CYB5D2: variants seen among roughly 807,000 people sequenced by gnomAD.
CYB5D2 encodes neuferricin.
Under a neutral mutation model 22.8 loss-of-function variants are expected in CYB5D2, and 23 were observed. That is an observed-to-expected ratio of 1.01 (90% CI 0.73 to 1.43). CYB5D2 has a LOEUF of 1.43. Ranked by LOEUF, CYB5D2 falls within the 40% of genes most tolerant of loss-of-function variation. The pLI is 0.00. For missense variants in CYB5D2, 373 were observed against 357.2 expected, an observed-to-expected ratio of 1.04 and a Z score of -0.36; for synonymous variants, 170 against 152.2, an observed-to-expected ratio of 1.12 and a Z score of -0.86.
rs2059092369 is a variant in CYB5D2, at chr17:4,154,580, T to C, written c.392-94T>C. 2.1e-6 allele frequency: 3 copies of C among 1,432,734 alleles called. No homozygotes were observed. In the Admixed American group the frequency reaches 6.8e-5, roughly 33 times the overall value. 88.8% of individuals were successfully genotyped at this position (1,432,734 alleles called of 1,614,324 possible). A position where few individuals can be genotyped will look rare whatever the true frequency, so the allele number is the denominator to read the frequency against. On this transcript the variant is annotated intron_variant, in intron 2 of 3. Transcript: ENST00000301391. ...CTTATTAAACGCGCACCAGCAGGAC[T>C]GAAGTCAGAAACCCTGGGAACTTGT... is the stretch of plus-strand genomic sequence containing the variant.
chr17:4,147,252 T>C (rs1017621861), intron 1 of CYB5D2, among the ~76,000 whole-genome samples: 5 of 151,614 alleles, frequency 3.3e-5, no homozygotes, highest in African/African-American at 1.2e-4. Context: ...GCCTGGGCGA[T>C]ACAGCGAGAC....
At chr17:4,148,345 C>T (rs182991067) in intron 1 of CYB5D2, among the ~76,000 whole-genome samples, 2 of 151,860 alleles carry the variant, frequency 1.3e-5, no homozygotes, top group Admixed American at 6.6e-5. Context: ...GGCAAAACCC[C>T]GTCTCTGCTA....
chr17:4,149,452 G>T (rs1444612474), intron 1 of CYB5D2, among the ~76,000 whole-genome samples: 1 of 152,214 alleles, frequency 6.6e-6, no homozygotes, highest in Non-Finnish European at 1.5e-5. Flanking sequence ...CAGAGGAGGT[G>T]GTGGGGACCC....
At chr17:4,145,491 G>A (rs911650312) in intron 1 of CYB5D2, among the ~76,000 whole-genome samples, 1 of 152,204 alleles carries the variant, frequency 6.6e-6, no homozygotes, top group African/African-American at 2.4e-5. Context: ...CGTGCTGTGG[G>A]AGCTGTCGTT....
Position 4,143,767 on chromosome 17 carries a change from C to T in CYB5D2, c.12C>T (p.Cys4=), listed in dbSNP as rs769621861. The change falls in exon 1 of 4, where the codon TGC becomes TGT. Residue 4 remains cysteine (C), a synonymous_variant. Coordinates refer to ENST00000301391, the MANE Select transcript of CYB5D2 (RefSeq NM_144611.4). ...GTGGGCCTATATAGATGTTGAGGTG[C>T]GGAGGCCGTGGGCTTTTGTTGGGCC... The part of the protein sequence containing the change: MLR[C]GGRGLLLGLA... 23 of 1,613,256 alleles carry T rather than the reference C, an allele frequency of 1.4e-5. No homozygotes were observed. Among genetic ancestry groups the T allele is most frequent in the Middle Eastern group, 3.4e-4 (2 of 5,890 alleles).
intron 2 of CYB5D2, among the ~76,000 whole-genome samples, chr17:4,150,389 C>T (rs2142994025): frequency 6.6e-6 from 1 of 152,318 alleles, no homozygotes; most frequent in Non-Finnish European, 1.5e-5. Context: ...GGCTTGAAGC[C>T]TGAATTTGTG....
chr17:4,153,909 A>T (rs1256382231), intron 2 of CYB5D2, among the ~76,000 whole-genome samples: 2 of 152,248 alleles, frequency 1.3e-5, no homozygotes, highest in Non-Finnish European at 2.9e-5. Flanking sequence ...ACGCGCCACT[A>T]GAATCGAAGG....
chr17:4,148,207 A>G (rs1001536978), intron 1 of CYB5D2, among the ~76,000 whole-genome samples: 5 of 149,664 alleles, frequency 3.3e-5, no homozygotes, highest in Non-Finnish European at 7.4e-5. Context: ...ACTGGATGTG[A>G]GGGATGAAGG....
intron 2 of CYB5D2, among the ~76,000 whole-genome samples, chr17:4,151,592 C>T (rs959128950): frequency 6.4e-4 from 97 of 151,688 alleles, no homozygotes; most frequent in Middle Eastern, 3.4e-3. Flanking sequence ...GAGGCTGAGA[C>T]GGGAGAATTG....
intron 1 of CYB5D2, among the ~76,000 whole-genome samples, chr17:4,147,035 A>C (rs1420385329): frequency 6.6e-6 from 1 of 152,202 alleles, no homozygotes; most frequent in Non-Finnish European, 1.5e-5. Flanking sequence ...CATTTTATCT[A>C]TCAGTTGATG....
At chr17:4,148,864 G>A (rs889075867) in intron 1 of CYB5D2, among the ~76,000 whole-genome samples, 5 of 152,046 alleles carry the variant, frequency 3.3e-5, no homozygotes, top group African/African-American at 1.2e-4. Flanking sequence ...TTGAGCAACT[G>A]GTTGGCATTT....
chr17:4,143,800 A>T lies in CYB5D2; in HGVS notation c.45A>T (p.Val15=). Residue 15 remains valine (V), a synonymous_variant, in exon 1 of 4, where the codon GTA becomes GTT. Transcript: ENST00000301391. ...GTGGGCTTTTGTTGGGCCTGGCTGTAGCCGCAGCAGCGGTAATGGCAGCAC... is the reference window on the plus strand; with the variant it reads ...GTGGGCTTTTGTTGGGCCTGGCTGTTGCCGCAGCAGCGGTAATGGCAGCAC... The part of the protein sequence containing the change: ...GGRGLLLGLA[V]AAAAVMAARL... The T allele has an allele frequency of 6.2e-7, 1 of 1,614,090 alleles. No individual in the cohort carries two copies. Among genetic ancestry groups the T allele is most frequent in the South Asian group, 1.1e-5 (1 of 91,084 alleles).
Position 4,156,959 on chromosome 17 carries a change from C to T in CYB5D2, c.672C>T (p.Gly224=), listed in dbSNP as rs765277906. The change falls in exon 4 of 4, where the codon GGC becomes GGT. Residue 224 remains glycine, a synonymous_variant. Transcript: ENST00000301391. ...EPRCVCVRTT[G]PPSGQMPDNP... Reference sequence around the variant, plus strand: ...GCTGCGTGTGTGTGAGAACCACCGGCCCCCCTAGTGGCCAGATGCCGGACA... The same window carrying T: ...GCTGCGTGTGTGTGAGAACCACCGGTCCCCCTAGTGGCCAGATGCCGGACA... 5.6e-5 allele frequency: 90 copies of T among 1,612,670 alleles called. 1 individual carries two copies. Among genetic ancestry groups the T allele is most frequent in the Non-Finnish European group, 8.5e-6 (10 of 1,180,000 alleles).
chr17:4,148,994 G>A (rs557379767), intron 1 of CYB5D2, among the ~76,000 whole-genome samples: 2 of 150,326 alleles, frequency 1.3e-5, no homozygotes, highest in Admixed American at 6.6e-5. Flanking sequence ...ACCCTGTCAC[G>A]CAGGCTGGAG....
Position 4,156,956 on chromosome 17 carries a change from C to G in CYB5D2, c.669C>G (p.Thr223=), listed in dbSNP as rs534144144. Residue 223 remains threonine (T), a synonymous_variant, in exon 4 of 4, where the codon ACC becomes ACG. Coordinates refer to ENST00000301391, the MANE Select transcript of CYB5D2 (RefSeq NM_144611.4). Reference sequence around the variant, plus strand: ...CCCGCTGCGTGTGTGTGAGAACCACCGGCCCCCCTAGTGGCCAGATGCCGG... The same window carrying G: ...CCCGCTGCGTGTGTGTGAGAACCACGGGCCCCCCTAGTGGCCAGATGCCGG... The part of the protein sequence containing the change: ...KEPRCVCVRT[T]GPPSGQMPDN... 1 of 1,612,812 alleles carries G rather than the reference C, an allele frequency of 6.2e-7. No individual in the cohort carries two copies. The highest frequency in any genetic ancestry group is 8.5e-7 in the Non-Finnish European group (1 of 1,180,026).
chr17:4,155,628 G>C (rs2059105578), intron 3 of CYB5D2, among the ~76,000 whole-genome samples: 1 of 152,322 alleles, frequency 6.6e-6, no homozygotes, highest in Non-Finnish European at 1.5e-5. Flanking sequence ...TCACTTTATG[G>C]AGAGAAGCTA....
intron 2 of CYB5D2, among the ~76,000 whole-genome samples, chr17:4,150,404 G>A (rs891907895): frequency 2.0e-5 from 3 of 152,172 alleles, no homozygotes; most frequent in East Asian, 1.9e-4. Flanking sequence ...TTTGTGTTTC[G>A]ACAAATCCCC....
intron 1 of CYB5D2, among the ~76,000 whole-genome samples, chr17:4,146,031 T>C (rs1362758459): frequency 1.3e-5 from 2 of 152,200 alleles, no homozygotes; most frequent in African/African-American, 4.8e-5. Flanking sequence ...ACTCCTGAGC[T>C]CAAGTGATTC....
In CYB5D2 at chr17:4,153,376, A is replaced by G. The variant is rs1437749517; in HGVS notation, c.392-1298A>G. Among the ~76,000 whole-genome samples, 3 of 151,988 alleles carry G rather than the reference A, an allele frequency of 2.0e-5. No individual in the cohort carries two copies. The East Asian group carries it at 5.8e-4, about 29-fold the overall frequency. On this transcript the variant is annotated intron_variant, in intron 2 of 3. Coordinates refer to ENST00000301391, the MANE Select transcript of CYB5D2 (RefSeq NM_144611.4). Reference sequence around the variant, plus strand: ...ACAGCCAAGACACAGAAAGGAAGCCAGTGTGCTGGAGCCCCCCGTGAACGA... The same window carrying G: ...ACAGCCAAGACACAGAAAGGAAGCCGGTGTGCTGGAGCCCCCCGTGAACGA...
Sources: allele counts gnomAD v4.1 joint callset (sites outside exome capture counted in the v4.1 genomes callset), GRCh38; gene constraint gnomAD v4.1.1; transcripts MANE v1.5; gene names NCBI Gene and HGNC (gene_info 2026-07-23, HGNC 2026-07-21).